The following RC3H1 variants were observed in gnomAD, a reference collection of about 807,000 sequenced individuals.
The protein encoded by RC3H1 is roquin-1.
RC3H1 carries 50 observed loss-of-function variants against 138.2 expected under a neutral mutation model. That is an observed-to-expected ratio of 0.36 (90% confidence interval 0.29 to 0.46). The LOEUF is 0.46. Ranked by LOEUF, RC3H1 falls within the 20% of genes least tolerant of loss-of-function variation. The probability of loss-of-function intolerance (pLI) is 1.00; values close to 1 mark genes in which losing one functional copy is unlikely to be tolerated. For missense variants in RC3H1, 1,031 were observed against 1,388.1 expected (o/e 0.74, Z 4.09); for synonymous variants, 462 against 489.1 (o/e 0.94, Z 0.73).
chr1:174,015,040 GC>G (rs1159737842), intron 1 of RC3H1, among the ~76,000 whole-genome samples: 2 of 152,110 alleles, frequency 1.3e-5, no homozygotes, highest in Non-Finnish European at 2.9e-5. Context: ...ACAGCCTCAG[GC>G]TAATGTGACT....
At position 173,992,807 on chromosome 1, in the gene RC3H1, T is replaced by C; in HGVS notation, c.179A>G (p.Asp60Gly). 8 of 1,614,206 alleles carry C rather than the reference T, an allele frequency of 5.0e-6. No homozygotes were observed. In the Middle Eastern group the frequency reaches 1.3e-3, roughly 266 times the overall value. ...TGAGTTCACAGGGAGGAGCTCAATG[T>C]CTGTATTGATAGTGGTCTGGTCAAA... ...CPFDQTTINT[D>G]IELLPVNSAL... The change falls in exon 2 of 20, where the codon GAC becomes GGC. Residue 60 changes from aspartate to glycine, a missense_variant. By Grantham distance (94) the Asp-to-Gly change is moderately conservative. Transcript: ENST00000367696.
chr1:174,003,391 A>T (rs963446509), intron 1 of RC3H1, among the ~76,000 whole-genome samples: 3 of 149,770 alleles, frequency 2.0e-5, no homozygotes, highest in African/African-American at 7.5e-5. Context: ...CCTATCACAC[A>T]CACACACACA....
At chr1:174,019,884 C>T (rs372202223) in intron 1 of RC3H1, among the ~76,000 whole-genome samples, 4 of 151,990 alleles carry the variant, frequency 2.6e-5, no homozygotes, top group African/African-American at 9.7e-5. Context: ...GGTCAATAAC[C>T]AATCTGAAAT....
At chr1:173,957,555 C>T (rs1047882889) in intron 13 of RC3H1, among the ~76,000 whole-genome samples, 2 of 151,786 alleles carry the variant, frequency 1.3e-5, no homozygotes, top group African/African-American at 4.8e-5. Flanking sequence ...GTTTTCTTCC[C>T]CCCCTCTAAT....
intron 1 of RC3H1, among the ~76,000 whole-genome samples, chr1:173,994,895 T>C (rs1174002321): frequency 2.0e-5 from 3 of 151,982 alleles, no homozygotes; most frequent in Non-Finnish European, 2.9e-5. Context: ...GTCTTTACTA[T>C]GTGTTCAGTA....
chr1:173,983,404 A>C lies in RC3H1; in HGVS notation c.592+14T>G. 6.2e-7 allele frequency: 1 copy of C among 1,613,610 alleles called. No individual in the cohort carries two copies. Among genetic ancestry groups the C allele is most frequent in the Non-Finnish European group, 8.5e-7 (1 of 1,179,688 alleles). Reference sequence around the variant, plus strand: ...AATTACCAGCAGAATAAATACCTAAAGTTAATTATGTACCTGGTCCAAGGA... The same window carrying C: ...AATTACCAGCAGAATAAATACCTAACGTTAATTATGTACCTGGTCCAAGGA... On this transcript the variant is annotated intron_variant, in intron 4 of 19. Coordinates refer to ENST00000367696, the MANE Select transcript of RC3H1 (RefSeq NM_172071.4).
chr1:173,942,015 T>C (rs1290408990), intron 18 of RC3H1, among the ~76,000 whole-genome samples: 3 of 135,734 alleles, frequency 2.2e-5, no homozygotes, highest in African/African-American at 8.4e-5. Context: ...GAGGTGGGCG[T>C]ATCACCCGAG....
rs930069889 is a variant in RC3H1, at chr1:173,936,577, T to C, written c.*2144A>G. 3 of 148,106 alleles carry C rather than the reference T, an allele frequency of 2.0e-5. No individual in the cohort carries two copies. Among genetic ancestry groups the C allele is most frequent in the Admixed American group, 1.4e-4 (2 of 14,812 alleles). The allele number at this position is 148,106 out of a possible 1,614,324, so 9.2% of individuals were successfully genotyped here. A position where few individuals can be genotyped will look rare whatever the true frequency, so the allele number is the denominator to read the frequency against. On this transcript the variant is annotated 3_prime_UTR_variant, in exon 20 of 20. Coordinates refer to ENST00000367696, the MANE Select transcript of RC3H1 (RefSeq NM_172071.4). ...CCAATAATGTTGCCTTTTACTGTTA[T>C]GCAGAGAAATGAAAAATCTTGGGAC...
chr1:173,954,972 A>ATT (rs1386293756), intron 13 of RC3H1, among the ~76,000 whole-genome samples: 6 of 152,066 alleles, frequency 3.9e-5, no homozygotes, highest in African/African-American at 1.4e-4. Context: ...CACACCTATA[A>ATT]TCCCAGCACT....
intron 13 of RC3H1, among the ~76,000 whole-genome samples, chr1:173,954,177 T>C (rs1193910141): frequency 6.6e-6 from 1 of 152,184 alleles, no homozygotes; most frequent in East Asian, 1.9e-4. Context: ...GGAATCAACC[T>C]AGGTATCCAG....
chr1:173,953,348 C>T (rs928593104), intron 13 of RC3H1, among the ~76,000 whole-genome samples: 2 of 152,080 alleles, frequency 1.3e-5, no homozygotes, highest in Non-Finnish European at 2.9e-5. Context: ...TCTCTGCTCA[C>T]GCAACCTCTG....
intron 6 of RC3H1, 130 bp from the exon 7 acceptor site, chr1:173,978,750 G>T: frequency 2.1e-6 from 2 of 944,096 alleles, no homozygotes; most frequent in Non-Finnish European, 3.0e-6. Context: ...CTACACTTTG[G>T]CCAGAGTAGA....
intron 1 of RC3H1, among the ~76,000 whole-genome samples, chr1:174,009,713 C>A (rs1476231589): frequency 1.3e-5 from 2 of 152,146 alleles, no homozygotes; most frequent in East Asian, 3.8e-4. Context: ...TGGCACGCGT[C>A]TGTAGTCTCA....
intron 1 of RC3H1, among the ~76,000 whole-genome samples, chr1:174,003,894 C>T (rs933991908): frequency 2.6e-5 from 4 of 151,864 alleles, no homozygotes; most frequent in African/African-American, 7.2e-5. Context: ...ATCTCCTGAC[C>T]TTGTGATCCG....
At chr1:173,962,982 C>A (rs1190537137) in intron 11 of RC3H1, among the ~76,000 whole-genome samples, 1 of 152,182 alleles carries the variant, frequency 6.6e-6, no homozygotes, top group Non-Finnish European at 1.5e-5. Context: ...GAAGACAGCA[C>A]TTTTAATCTA....
At position 173,941,258 on chromosome 1, in the gene RC3H1, T is replaced by G; in HGVS notation, c.3251+7A>C. ...TAATATGGCTACGACAATCTCCTTT[T>G]CTTTACCTGAATGTCAATGTAAGGT... On this transcript the variant is annotated splice_region_variant and intron_variant, in intron 19 of 19. Transcript: ENST00000367696. The G allele has an allele frequency of 6.4e-7, 1 of 1,565,964 alleles. No homozygotes were observed. Among genetic ancestry groups the G allele is most frequent in the Admixed American group, 1.7e-5 (1 of 59,746 alleles).
In RC3H1 at chr1:173,983,539, T is replaced by C; in HGVS notation, c.471A>G (p.Ala157=). ...CTGTTCGTTCACCTAAAGATCGAGCTGCCCTCATGGCACGAATCCTGCCTT... is the reference window on the plus strand; with the variant it reads ...CTGTTCGTTCACCTAAAGATCGAGCCGCCCTCATGGCACGAATCCTGCCTT... ...EEEGRIRAMR[A]ARSLGERTVT... The change falls in exon 4 of 20, where the codon GCA becomes GCG. Residue 157 remains alanine, a synonymous_variant. Coordinates refer to ENST00000367696, the MANE Select transcript of RC3H1 (RefSeq NM_172071.4). 6.2e-7 allele frequency: 1 copy of C among 1,614,246 alleles called. No individual in the cohort carries two copies. Among genetic ancestry groups the C allele is most frequent in the Non-Finnish European group, 8.5e-7 (1 of 1,180,036 alleles).
In RC3H1 at chr1:173,942,428, CAA is replaced by C. The variant is rs60694243; in HGVS notation, c.3135+1012_3135+1013del. Among the ~76,000 whole-genome samples, 98 of 38,070 alleles carry C rather than the reference CAA, an allele frequency of 2.6e-3. 1 individual carries two copies. In the South Asian group the frequency reaches 0.037, roughly 14 times the overall value. The allele number at this position is 38,070 out of a possible 152,430, so 25.0% of individuals were successfully genotyped here. A position where few individuals can be genotyped will look rare whatever the true frequency, so the allele number is the denominator to read the frequency against. ...ACCCTGGGTGACAGAGACTCAGTCT[CAA>C]AAAAAAAAAAAAAAAAAAAAGAAAA... is the stretch of plus-strand genomic sequence containing the variant. On this transcript the variant is annotated intron_variant, in intron 18 of 19. Transcript: ENST00000367696.
intron 7 of RC3H1, among the ~76,000 whole-genome samples, chr1:173,974,154 C>T (rs1161297573): frequency 6.6e-6 from 1 of 151,888 alleles, no homozygotes; most frequent in African/African-American, 2.4e-5. Context: ...GTGGCACACG[C>T]CTGTAGTCCC....
Sources: allele counts gnomAD v4.1 joint callset (sites outside exome capture counted in the v4.1 genomes callset), GRCh38; gene constraint gnomAD v4.1.1; transcripts MANE v1.5; gene names NCBI Gene and HGNC (gene_info 2026-07-23, HGNC 2026-07-21).